Variants in NEDD4 observed in about 807,000 individuals in gnomAD.
NEDD4 encodes the protein NEDD4 E3 ubiquitin protein ligase, also known as E3 ubiquitin-protein ligase NEDD4.
Under a neutral mutation model 144.9 loss-of-function variants are expected in NEDD4, and 99 were observed. The observed-to-expected ratio is 0.68, with a 90% confidence interval of 0.58 to 0.81. NEDD4 has a LOEUF of 0.81. NEDD4 is among the 30% of genes least tolerant of loss of function. The probability of loss-of-function intolerance (pLI) is 0.00; values close to 1 mark genes in which losing one functional copy is unlikely to be tolerated. For missense variants in NEDD4, 985 were observed against 1,065.9 expected (o/e 0.92, Z 1.06); for synonymous variants, 318 against 350.6 (o/e 0.91, Z 1.04).
intron 4 of NEDD4, among the ~76,000 whole-genome samples, chr15:55,932,320 G>C (rs1197544909): frequency 6.6e-6 from 1 of 152,120 alleles, no homozygotes; most frequent in Non-Finnish European, 1.5e-5. Context: ...CCAAAACAGA[G>C]ATATAGACCA....
At chr15:55,903,215 C>A (rs1345444306) in intron 5 of NEDD4, among the ~76,000 whole-genome samples, 1 of 151,198 alleles carries the variant, frequency 6.6e-6, no homozygotes, top group Non-Finnish European at 1.5e-5. Context: ...TCTTTTTTTT[C>A]TTTCTGATGC....
At position 55,840,631 on chromosome 15, in the gene NEDD4, T is replaced by G. The variant is rs756800664; in HGVS notation, c.1935A>C (p.Ala645=). The change falls in exon 20 of 29, where the codon GCA becomes GCC. Residue 645 remains alanine (A), a synonymous_variant. Coordinates refer to ENST00000435532, the MANE Select transcript of NEDD4 (RefSeq NM_006154.4). ...CATCCAACAGTTTGCCATGATAAAC[T>G]GCCATTCCAGCTACCCGACCAATAA... ...FKFIGRVAGM[A]VYHGKLLDGF... 6.2e-7 allele frequency: 1 copy of G among 1,614,102 alleles called. No individual in the cohort carries two copies.
intron 5 of NEDD4, among the ~76,000 whole-genome samples, chr15:55,892,315 A>C (rs368712798): frequency 9.6e-6 from 1 of 103,852 alleles, no homozygotes; most frequent in Non-Finnish European, 2.1e-5. Context: ...TAAATAAATA[A>C]ATAAATAATA....
At chr15:55,984,923 T>C (rs561322641) in intron 1 of NEDD4, among the ~76,000 whole-genome samples, 1 of 152,354 alleles carries the variant, frequency 6.6e-6, no homozygotes, top group South Asian at 2.1e-4. Context: ...CTGGAGTAGA[T>C]AACCATGATA....
Position 55,833,117 on chromosome 15 carries a change from A to G in NEDD4, c.2431-13T>C. ...TCATTAAAACAGCCTGAATAAGATA[A>G]AAACATCATTTAGGGAACAGCACTG... On this transcript the variant is annotated splice_polypyrimidine_tract_variant and intron_variant, in intron 26 of 28. Transcript: ENST00000435532. The G allele has an allele frequency of 6.4e-7, 1 of 1,554,626 alleles. No individual in the cohort carries two copies.
At position 55,846,961 on chromosome 15, in the gene NEDD4, T is replaced by A. The variant is rs776542025; in HGVS notation, c.1608+8A>T. The A allele has an allele frequency of 1.3e-6, 2 of 1,566,002 alleles. No homozygotes were observed. The highest frequency in any genetic ancestry group is 2.2e-5 in the South Asian group (2 of 89,408). On this transcript the variant is annotated splice_region_variant and intron_variant, in intron 18 of 28. Transcript: ENST00000435532. ...GACTCTTAAGTATTTATTATAAACA[T>A]GACTAACCTGCTTCTTCAACTTTCT... is the stretch of plus-strand genomic sequence containing the variant.
At chr15:55,950,903 ACTGTCAGTCTG>A (rs1163592751) in intron 4 of NEDD4, among the ~76,000 whole-genome samples, 1 of 152,192 alleles carries the variant, frequency 6.6e-6, no homozygotes, top group Non-Finnish European at 1.5e-5. Flanking sequence ...ACAAGGAGAC[ACTGTCAGTCTG>A]AGGGCCTTGC....
In NEDD4 at chr15:55,827,700, A is replaced by C. The variant is rs1395378033; in HGVS notation, c.*2197T>G. 1.3e-5 allele frequency: 2 copies of C among 152,228 alleles called. No individual in the cohort carries two copies. The highest frequency in any genetic ancestry group is 2.9e-5 in the Non-Finnish European group (2 of 68,038). 9.4% of individuals were successfully genotyped at this position (152,228 alleles called of 1,614,324 possible). On this transcript the variant is annotated 3_prime_UTR_variant, in exon 29 of 29. Transcript: ENST00000435532. Reference sequence around the variant, plus strand: ...AAAATGAATTATGATGGTAAGATCCATATACAGATATACACATGTGTATCC... The same window carrying C: ...AAAATGAATTATGATGGTAAGATCCCTATACAGATATACACATGTGTATCC...
At chr15:55,856,318 A>C in intron 11 of NEDD4, 122 bp from the exon 12 acceptor site, 2 of 806,310 alleles carry the variant, frequency 2.5e-6, no homozygotes, top group Non-Finnish European at 2.0e-6. Context: ...TAGGATGCAA[A>C]TGTTGAGAGT....
rs1481190175 is a variant in NEDD4 at position 55,958,292 on chromosome 15, T to C, written c.120-6703A>G. Among the ~76,000 whole-genome samples the C allele has an allele frequency of 6.6e-5, 10 of 152,196 alleles. No individual in the cohort carries two copies. In the East Asian group the frequency reaches 1.9e-3, roughly 29 times the overall value. ...CATGCCAAGTGAAATGACCATGTGT[T>C]TTTTCTACTTTACTGTATTAATACA... On this transcript the variant is annotated intron_variant, in intron 2 of 28. Coordinates refer to ENST00000435532, the MANE Select transcript of NEDD4 (RefSeq NM_006154.4).
chr15:55,959,304 T>C (rs1453221694), intron 2 of NEDD4, among the ~76,000 whole-genome samples: 4 of 152,188 alleles, frequency 2.6e-5, no homozygotes, highest in Non-Finnish European at 4.4e-5. Flanking sequence ...ATATCTGCAG[T>C]TTTTCTAGAT....
chr15:55,944,100 C>T (rs1313587606), intron 4 of NEDD4, among the ~76,000 whole-genome samples: 1 of 152,198 alleles, frequency 6.6e-6, no homozygotes, highest in Non-Finnish European at 1.5e-5. Flanking sequence ...TCTACATTTC[C>T]ACCTGAGGTG....
chr15:55,967,949 G>T (rs1258370242), intron 1 of NEDD4, among the ~76,000 whole-genome samples: 1 of 152,030 alleles, frequency 6.6e-6, no homozygotes, highest in East Asian at 1.9e-4. Flanking sequence ...AGGTAACAGT[G>T]AGCTATGAAC....
At chr15:55,911,009 A>T (rs2036254667) in intron 5 of NEDD4, among the ~76,000 whole-genome samples, 1 of 151,942 alleles carries the variant, frequency 6.6e-6, no homozygotes, top group African/African-American at 2.4e-5. Context: ...ACTCTGACCC[A>T]CTTCTGGCAG....
intron 1 of NEDD4, among the ~76,000 whole-genome samples, chr15:55,974,197 C>G (rs1303897891): frequency 6.6e-6 from 1 of 152,082 alleles, no homozygotes; most frequent in Non-Finnish European, 1.5e-5. Context: ...TATACACATA[C>G]AACCTTCCAA....
chr15:55,865,210 A>T (rs1566919635), intron 8 of NEDD4, among the ~76,000 whole-genome samples: 1 of 151,490 alleles, frequency 6.6e-6, no homozygotes, highest in African/African-American at 2.4e-5. Context: ...AAAAAAAAAA[A>T]AAAAAAAACT....
intron 12 of NEDD4, among the ~76,000 whole-genome samples, chr15:55,852,969 C>G (rs1199686136): frequency 6.6e-6 from 1 of 151,740 alleles, no homozygotes; most frequent in African/African-American, 2.4e-5. Flanking sequence ...AGGCTGGTCT[C>G]GAACTCCTAA....
intron 4 of NEDD4, among the ~76,000 whole-genome samples, chr15:55,942,983 C>T (rs1423407471): frequency 6.6e-6 from 1 of 152,200 alleles, no homozygotes; most frequent in Non-Finnish European, 1.5e-5. Context: ...GTCCCTCTTG[C>T]TATGCTTCTA....
intron 21 of NEDD4, among the ~76,000 whole-genome samples, chr15:55,839,654 C>T (rs953970408): frequency 5.9e-5 from 9 of 151,918 alleles, no homozygotes; most frequent in Admixed American, 1.3e-4. Context: ...CTAACCATAA[C>T]GCTTTGCCTT....
Sources: gnomAD v4.1 joint callset for allele counts (sites outside exome capture counted in the v4.1 genomes callset) on GRCh38, gnomAD v4.1.1 for gene constraint, MANE v1.5 for transcripts, NCBI Gene and HGNC (gene_info 2026-07-23, HGNC 2026-07-21) for gene names.